The following CCAR2 variants were observed in gnomAD, a reference collection of about 807,000 sequenced individuals.
The protein encoded by CCAR2 is cell cycle and apoptosis regulator protein 2.
A neutral mutation model predicts 108.1 loss-of-function variants in CCAR2; 21 were observed. That is an observed-to-expected ratio of 0.19 (90% confidence interval 0.14 to 0.28). The LOEUF (loss-of-function observed/expected upper bound fraction) is 0.28, where lower values mean the gene tolerates loss of function less well. Among genes scored for constraint, CCAR2 ranks in the 10% least tolerant of loss-of-function variants. The pLI is 1.00. For missense variants in CCAR2, 1,126 were observed against 1,177.0 expected, an observed-to-expected ratio of 0.96 and a Z score of 0.63; for synonymous variants, 577 against 472.8, an observed-to-expected ratio of 1.22 and a Z score of -2.86.
chr8:22,616,982 A>G (rs1265997649), intron 14 of CCAR2, among the ~76,000 whole-genome samples: 1 of 99,698 alleles, frequency 1.0e-5, no homozygotes. Context: ...CCCAGGTTCA[A>G]ACGATTCTCC....
In CCAR2 at chr8:22,616,239, G is replaced by A. The variant is rs889591521; in HGVS notation, c.1836G>A (p.Glu612=). 5.6e-6 allele frequency: 9 copies of A among 1,612,334 alleles called. No individual in the cohort carries two copies. In the African/African-American group the frequency reaches 1.2e-4, roughly 22 times the overall value. The change falls in exon 14 of 21, where the codon GAG becomes GAA. Residue 612 remains glutamate, a synonymous_variant. Transcript: ENST00000308511. ...ATGAGGGCCCGGCTACAGAGTCAGA[G>A]GCCCCGCTGGTGAGTACCCTGCCAC... ...AQNEGPATES[E]APLKEDGLLP...
At chr8:22,621,415 CG>C (rs751815160), downstream of CCAR2, 3 of 1,611,432 alleles carry the variant, frequency 1.9e-6, no homozygotes, top group East Asian at 6.7e-5. Flanking sequence ...CCAAGAGTGA[CG>C]GGGATTCAGT....
chr8:22,615,034 A>G (rs1253030541), intron 11 of CCAR2, 33 bp downstream of exon 11: 16 of 1,517,678 alleles, frequency 1.1e-5, no homozygotes, highest in African/African-American at 4.2e-5. Context: ...AGCTGCACCA[A>G]CGCACCAGGT....
rs116801499 is a variant in CCAR2 at position 22,615,194 on chromosome 8, C to T, written c.1205+193C>T. On this transcript the variant is annotated intron_variant, in intron 11 of 20. Transcript: ENST00000308511. ...CTGAGCCACCAGGCTGCACTTGAGACTCCCTGGAGTTGTCCTTGCACCTTG... is the reference window on the plus strand; with the variant it reads ...CTGAGCCACCAGGCTGCACTTGAGATTCCCTGGAGTTGTCCTTGCACCTTG... 1.1e-3 allele frequency: 960 copies of T among 891,272 alleles called. 11 individuals are homozygous for T. In the African/African-American group the frequency reaches 0.015, roughly 14 times the overall value. The allele number at this position is 891,272 out of a possible 1,614,324, so 55.2% of individuals were successfully genotyped here.
chr8:22,614,961 C>A lies in CCAR2; in HGVS notation c.1165C>A (p.Gln389Lys), dbSNP rs1177595179. The A allele has an allele frequency of 6.2e-7, 1 of 1,605,334 alleles. No homozygotes were observed. Among genetic ancestry groups the A allele is most frequent in the East Asian group, 2.2e-5 (1 of 44,592 alleles). ...VLVRTAIRCA[Q>K]AQTGIDLSGC... ...GGTGCGTACCGCCATCCGCTGTGCG[C>A]AGGCCCAGACTGGCATTGATTTGAG... The change falls in exon 11 of 21, where the codon CAG becomes AAG. Residue 389 changes from glutamine to lysine, a missense_variant. By Grantham distance (53) the Gln-to-Lys change is moderately conservative (BLOSUM62 1). Coordinates refer to ENST00000308511, the MANE Select transcript of CCAR2 (RefSeq NM_001393997.1).
At chr8:22,613,896 C>A in intron 8 of CCAR2, 196 bp from the exon 9 acceptor site, 1 of 587,260 alleles carries the variant, frequency 1.7e-6, no homozygotes, top group African/African-American at 1.9e-5. Context: ...TCTTTTTTCC[C>A]TTTCCCAGTT....
At chr8:22,605,983 A>C (rs1801063002) in intron 2 of CCAR2, 102 bp from the exon 3 acceptor site, 1 of 1,264,594 alleles carries the variant, frequency 7.9e-7, no homozygotes, top group African/African-American at 1.5e-5. Context: ...TCTGTGGAGG[A>C]GCTGGCTGGA....
At chr8:22,621,288 T>C, downstream of CCAR2, 1 of 1,218,302 alleles carries the variant, frequency 8.2e-7, no homozygotes, top group Non-Finnish European at 1.1e-6. Flanking sequence ...GGAAGAGTCA[T>C]TCATTGCAAA....
Position 22,614,889 on chromosome 8 carries a change from T to G in CCAR2, c.1093T>G (p.Ser365Ala). Residue 365 changes from serine to alanine, a missense_variant, in exon 11 of 21, where the codon TCT becomes GCT. Around this residue, in one of 4 missense-constraint regions of CCAR2, gnomAD observed 1,013 missense variants for 993.9 expected, o/e 1.02. Transcript: ENST00000308511. ...GGCAGTGCTGGTTGGGGGTGAATGG[T>G]CTCCTTCCCTGGATGGCCTCGACCC... ...EEAVLVGGEW[S>A]PSLDGLDPQA... 6.2e-7 allele frequency: 1 copy of G among 1,613,978 alleles called. No homozygotes were observed. Among genetic ancestry groups the G allele is most frequent in the Non-Finnish European group, 8.5e-7 (1 of 1,180,004 alleles).
intron 7 of CCAR2, among the ~76,000 whole-genome samples, chr8:22,610,127 A>G (rs1291790760): frequency 6.6e-6 from 1 of 152,172 alleles, no homozygotes; most frequent in Non-Finnish European, 1.5e-5. Flanking sequence ...AACCTATACT[A>G]CCATTGGGAG....
Position 22,606,707 on chromosome 8 carries a change from G to C in CCAR2, c.242+9G>C. The C allele has an allele frequency of 1.9e-6, 3 of 1,611,220 alleles. No homozygotes were observed. The highest frequency in any genetic ancestry group is 2.5e-6 in the Non-Finnish European group (3 of 1,177,514). The stretch of plus-strand genomic sequence containing the variant: ...GTCTTTTTTCAGCTAAGGTAGGCTT[G>C]AGGTTGGTCCCCTAACGGAAATGCT... On this transcript the variant is annotated intron_variant, in intron 4 of 20. Coordinates refer to ENST00000308511, the MANE Select transcript of CCAR2 (RefSeq NM_001393997.1).
rs1274554685 is a variant in CCAR2 at position 22,604,802 on chromosome 8, G to A, written c.-79G>A. On this transcript the variant is annotated 5_prime_UTR_variant, in exon 1 of 21. Transcript: ENST00000308511. ...CGGCAGCAGCGGCTGTGGTGGTTCC[G>A]GGTGTCTTTGTCCCCCCGGTGTCGC... 4.4e-6 allele frequency: 2 copies of A among 455,474 alleles called. No individual in the cohort carries two copies. Among genetic ancestry groups the A allele is most frequent in the East Asian group, 1.4e-4 (2 of 14,382 alleles). 28.2% of individuals were successfully genotyped at this position (455,474 alleles called of 1,614,324 possible).
In CCAR2 at chr8:22,617,706, G is replaced by A. The variant is rs1483571011; in HGVS notation, c.2001G>A (p.Lys667=). Residue 667 remains lysine, a synonymous_variant, in exon 16 of 21, where the codon AAG becomes AAA. Transcript: ENST00000308511. The stretch of plus-strand genomic sequence containing the variant: ...TTGGCCTTTCTGTAGCAGGAGCAAA[G>A]CTGGAGGATTCGGAGGTCCGGTCCG... The part of the protein sequence containing the change: ...DDGEEEFAGA[K]LEDSEVRSVA... The A allele has an allele frequency of 1.9e-6, 3 of 1,614,226 alleles. No homozygotes were observed. Among genetic ancestry groups the A allele is most frequent in the Non-Finnish European group, 2.5e-6 (3 of 1,180,040 alleles).
chr8:22,617,014 G>A (rs1161083926), intron 14 of CCAR2, among the ~76,000 whole-genome samples: 1 of 150,636 alleles, frequency 6.6e-6, no homozygotes. Context: ...CTCTCCAGTA[G>A]GTGGGATTAC....
chr8:22,612,758 G>GTTGT (rs1801339855), intron 7 of CCAR2: 1 of 295,544 alleles, frequency 3.4e-6, no homozygotes, highest in African/African-American at 2.2e-5. Flanking sequence ...GTCTTCTAAA[G>GTTGT]TTGTTTTTGC....
In CCAR2 at chr8:22,614,154, T is replaced by C; in HGVS notation, c.767T>C (p.Phe256Ser). Reference sequence around the variant, plus strand: ...CGCAGCCTCCTGGTCCCCTCAGATTTTCTGTCCGTGCATCTGAGTTGGCTA... The same window carrying C: ...CGCAGCCTCCTGGTCCCCTCAGATTCTCTGTCCGTGCATCTGAGTTGGCTA... ...RYRSLLVPSDFLSVHLSWLSA... is the reference protein window; with the variant it reads ...RYRSLLVPSDSLSVHLSWLSA... Residue 256 changes from phenylalanine (F) to serine (S), a missense_variant, in exon 9 of 21, where the codon TTT becomes TCT. Coordinates refer to ENST00000308511, the MANE Select transcript of CCAR2 (RefSeq NM_001393997.1). The C allele has an allele frequency of 6.2e-7, 1 of 1,614,134 alleles. No individual in the cohort carries two copies. The highest frequency in any genetic ancestry group is 8.5e-7 in the Non-Finnish European group (1 of 1,180,042).
rs1292280047 is a variant in CCAR2, at chr8:22,618,379, C to G, written c.2104C>G (p.Pro702Ala). 1 of 1,614,216 alleles carries G rather than the reference C, an allele frequency of 6.2e-7. No homozygotes were observed. Among genetic ancestry groups the G allele is most frequent in the South Asian group, 1.1e-5 (1 of 91,088 alleles). ...PKELDPSAVL[P>A]LDCLLAFVFF... Reference sequence around the variant, plus strand: ...GGAGCTGGATCCCTCTGCTGTGCTCCCCTTAGACTGTCTGCTTGCTTTTGT... The same window carrying G: ...GGAGCTGGATCCCTCTGCTGTGCTCGCCTTAGACTGTCTGCTTGCTTTTGT... Residue 702 changes from proline to alanine, a missense_variant, in exon 17 of 21, where the codon CCC becomes GCC. Pro to Ala is a conservative substitution (Grantham distance 27). This residue lies in a region of CCAR2 where 1,013 missense variants were observed against 993.9 expected (regional missense o/e 1.02). Coordinates refer to ENST00000308511, the MANE Select transcript of CCAR2 (RefSeq NM_001393997.1).
rs1801350679 is a variant in CCAR2, at chr8:22,613,001, A to G, written c.585-16A>G. 2 of 1,609,678 alleles carry G rather than the reference A, an allele frequency of 1.2e-6. No homozygotes were observed. The highest frequency in any genetic ancestry group is 2.7e-5 in the African/African-American group (2 of 74,690). Reference sequence around the variant, plus strand: ...ACAATGTGGTTTCTTACTGTTGGTGATGGGTCAACCTCTAGTGATGACTAT... The same window carrying G: ...ACAATGTGGTTTCTTACTGTTGGTGGTGGGTCAACCTCTAGTGATGACTAT... On this transcript the variant is annotated splice_polypyrimidine_tract_variant and intron_variant, in intron 7 of 20. Transcript: ENST00000308511.
intron 7 of CCAR2, among the ~76,000 whole-genome samples, chr8:22,611,972 T>C (rs1260747397): frequency 6.6e-6 from 1 of 150,858 alleles, no homozygotes; most frequent in Non-Finnish European, 1.5e-5. Flanking sequence ...TGAGACAGAG[T>C]ATCGCTTTGT....
Sources: allele counts gnomAD v4.1 joint callset (sites outside exome capture counted in the v4.1 genomes callset), GRCh38; gene constraint gnomAD v4.1.1; regional missense constraint gnomAD v4.1.1; transcripts MANE v1.5; gene names NCBI Gene and HGNC (gene_info 2026-07-23, HGNC 2026-07-21).